The following CDH15 variants were observed in gnomAD, a reference collection of about 807,000 sequenced individuals.
CDH15 encodes the protein cadherin 15.
In CDH15, 73 loss-of-function variants were observed where a neutral mutation model predicts 69.4. That is an observed-to-expected ratio of 1.05 (90% confidence interval 0.87 to 1.28). The LOEUF (loss-of-function observed/expected upper bound fraction) is 1.28. Among genes scored for constraint, CDH15 ranks in the 50% most tolerant of loss-of-function variants. The pLI, the probability that CDH15 is intolerant of heterozygous loss-of-function variation, is 0.00. For missense variants in CDH15, 1,343 were observed against 1,133.6 expected, an observed-to-expected ratio of 1.18 and a Z score of -2.65; for synonymous variants, 624 against 507.7, an observed-to-expected ratio of 1.23 and a Z score of -3.08.
chr16:89,184,565 G>A (rs1186672418), intron 4 of CDH15, among the ~76,000 whole-genome samples: 4 of 152,178 alleles, frequency 2.6e-5, no homozygotes, highest in African/African-American at 7.2e-5. Context: ...TCCTCTGCTC[G>A]GCTGTCGTGT....
In CDH15 at chr16:89,193,522, C is replaced by A; in HGVS notation, c.1908C>A (p.Gly636=). 2.5e-6 allele frequency: 4 copies of A among 1,612,148 alleles called. No homozygotes were observed. Among genetic ancestry groups the A allele is most frequent in the Non-Finnish European group, 3.4e-6 (4 of 1,179,792 alleles). The change falls in exon 12 of 14, where the codon GGC becomes GGA. Residue 636 remains glycine, a synonymous_variant. Coordinates refer to ENST00000289746, the MANE Select transcript of CDH15 (RefSeq NM_004933.3). The part of the protein sequence containing the change: ...LRARFWKQSR[G]KGLLHGPQDD... ...CGCGGTTCTGGAAGCAGTCTCGGGG[C>A]AAGGGGCTGCTGCACGGCCCCCAGG...
chr16:89,189,932 C>T lies in CDH15; in HGVS notation c.979-311C>T, dbSNP rs1343541488. Among the ~76,000 whole-genome samples, 5 of 152,220 alleles carry T rather than the reference C, an allele frequency of 3.3e-5. No individual in the cohort carries two copies. The South Asian group carries it at 6.2e-4, about 19-fold the overall frequency. On this transcript the variant is annotated intron_variant, in intron 7 of 13. Coordinates refer to ENST00000289746, the MANE Select transcript of CDH15 (RefSeq NM_004933.3). ...TAAAGCCAACCCACATCACCCAGGA[C>T]GATCTCCTTTATTTAAAATCAAGTG...
intron 8 of CDH15, 117 bp from the exon 9 acceptor site, chr16:89,191,213 T>C: frequency 8.6e-7 from 1 of 1,158,568 alleles, no homozygotes; most frequent in Non-Finnish European, 1.3e-6. Flanking sequence ...TGTGCATGCA[T>C]GTGGTATGTA....
intron 2 of CDH15, among the ~76,000 whole-genome samples, 174 bp from the exon 3 acceptor site, chr16:89,180,026 G>A (rs1387909813): frequency 6.6e-6 from 1 of 152,228 alleles, no homozygotes; most frequent in Non-Finnish European, 1.5e-5. Context: ...GGGGCCACAG[G>A]CTGAGCTGTC....
chr16:89,195,025 G>A lies in CDH15; in HGVS notation c.2315G>A (p.Arg772His), dbSNP rs202093142. The A allele has an allele frequency of 4.4e-5, 71 of 1,612,314 alleles. No homozygotes were observed. Among genetic ancestry groups the A allele is most frequent in the Middle Eastern group, 3.3e-4 (2 of 6,048 alleles). ...GACTACCTCAGAGACTGGGGGCCCC[G>A]CTTCGCCCGGCTGGCAGACATGTAT... ...DYDYLRDWGP[R>H]FARLADMYGH... is the part of the protein sequence containing the mutation. Residue 772 changes from arginine (R) to histidine (H), a missense_variant, in exon 14 of 14, where the codon CGC becomes CAC. By Grantham distance (29) the Arg-to-His change is conservative (BLOSUM62 0). Coordinates refer to ENST00000289746, the MANE Select transcript of CDH15 (RefSeq NM_004933.3).
intron 1 of CDH15, among the ~76,000 whole-genome samples, chr16:89,179,003 C>A (rs769161618): frequency 6.6e-6 from 1 of 152,190 alleles, no homozygotes; most frequent in Non-Finnish European, 1.5e-5. Context: ...GCACCTGGGG[C>A]GAGGCTGTGT....
chr16:89,190,618 C>T lies in CDH15; in HGVS notation c.1232+122C>T, dbSNP rs140805437. The T allele has an allele frequency of 1.4e-3, 1,836 of 1,281,398 alleles. 23 individuals carry two copies. The African/African-American group carries it at 0.024, about 17-fold the overall frequency. The allele number at this position is 1,281,398 out of a possible 1,614,324, so 79.4% of individuals were successfully genotyped here. ...GTAGGGGCCATTTGCTGTGTGGGTT[C>T]CTGAAGGTCTGGAGGGTCTCGAGTC... is the stretch of plus-strand genomic sequence containing the variant. On this transcript the variant is annotated intron_variant, in intron 8 of 13. Transcript: ENST00000289746.
Position 89,180,434 on chromosome 16 carries a change from TCTC to T in CDH15, c.357+84_357+86del, listed in dbSNP as rs1301819094. The T allele has an allele frequency of 8.1e-6, 12 of 1,485,088 alleles. No individual in the cohort carries two copies. In the Admixed American group the frequency reaches 2.3e-4, roughly 28 times the overall value. 92.0% of individuals were successfully genotyped at this position (1,485,088 alleles called of 1,614,324 possible). A position where few individuals can be genotyped will look rare whatever the true frequency, so the allele number is the denominator to read the frequency against. ...CAGTGCCCCTCCTCCCCACCAGGCT[TCTC>T]CTCCCCGCTCGGTGGGCTTCAGGCC... On this transcript the variant is annotated intron_variant, in intron 3 of 13. Coordinates refer to ENST00000289746, the MANE Select transcript of CDH15 (RefSeq NM_004933.3).
chr16:89,176,650 C>T (rs1915262583), intron 1 of CDH15, among the ~76,000 whole-genome samples: 1 of 140,452 alleles, frequency 7.1e-6, no homozygotes, highest in African/African-American at 2.6e-5. Flanking sequence ...CGTGAGCCTC[C>T]CTAGACCCCA....
rs1915422040 is a variant in CDH15, at chr16:89,183,583, C to G, written c.393C>G (p.Thr131=). The G allele has an allele frequency of 6.2e-6, 10 of 1,614,018 alleles. No individual in the cohort carries two copies. The highest frequency in any genetic ancestry group is 1.1e-5 in the South Asian group (1 of 91,090). The change falls in exon 4 of 14, where the codon ACC becomes ACG. Residue 131 remains threonine (T), a synonymous_variant. Transcript: ENST00000289746. ...RAFALDLGGS[T]LEDPTDLEIV... is the part of the protein sequence containing the mutation. ...TTGCCCTGGACCTGGGAGGATCCAC[C>G]CTGGAGGACCCCACGGACCTGGAGA...
intron 12 of CDH15, 45 bp from the exon 13 acceptor site, chr16:89,193,710 G>A: frequency 6.3e-7 from 1 of 1,586,970 alleles, no homozygotes; most frequent in African/African-American, 1.3e-5. Flanking sequence ...CTCCACCAGG[G>A]CCACCCGAGG....
chr16:89,172,839 G>A (rs771872175), intron 1 of CDH15, among the ~76,000 whole-genome samples: 13 of 152,166 alleles, frequency 8.5e-5, no homozygotes, highest in Non-Finnish European at 1.5e-4. Flanking sequence ...TGGCCAATTC[G>A]AGAGAGAATG....
In CDH15 at chr16:89,173,203, C is replaced by T. The variant is rs1055452760; in HGVS notation, c.42+1330C>T. Among the ~76,000 whole-genome samples, 4 of 152,200 alleles carry T rather than the reference C, an allele frequency of 2.6e-5. No individual in the cohort carries two copies. The South Asian group carries it at 6.2e-4, about 24-fold the overall frequency. On this transcript the variant is annotated intron_variant, in intron 1 of 13. Transcript: ENST00000289746. ...CACCCCTCAGCCCTCTGCCGGGGAG[C>T]GCAGGCTGGGGGGCTCCATGCCTCC...
rs562228631 is a variant in CDH15, at chr16:89,187,265, C to G, written c.664-164C>G. On this transcript the variant is annotated intron_variant, in intron 5 of 13. Coordinates refer to ENST00000289746, the MANE Select transcript of CDH15 (RefSeq NM_004933.3). Reference sequence around the variant, plus strand: ...TAGGGCAGCATCACAGCCTCATGCACTTAGGATCAGGGCAGGATTCTCAGG... The same window carrying G: ...TAGGGCAGCATCACAGCCTCATGCAGTTAGGATCAGGGCAGGATTCTCAGG... Among the ~76,000 whole-genome samples the G allele has an allele frequency of 1.1e-4, 17 of 152,362 alleles. No homozygotes were observed. The South Asian group carries it at 3.5e-3, about 32-fold the overall frequency.
chr16:89,182,027 C>G (rs575912572), intron 3 of CDH15, among the ~76,000 whole-genome samples: 1 of 151,526 alleles, frequency 6.6e-6, no homozygotes, highest in South Asian at 2.1e-4. Flanking sequence ...GCAGTGGGAG[C>G]AAGCCCTAGA....
intron 1 of CDH15, 65 bp downstream of exon 1, chr16:89,171,938 A>G: frequency 6.8e-7 from 1 of 1,467,944 alleles, no homozygotes; most frequent in Non-Finnish European, 9.2e-7. Flanking sequence ...AGTGTCTTCA[A>G]CTGCAGCCGC....
intron 4 of CDH15, 70 bp downstream of exon 4, chr16:89,183,762 C>T (rs1915427400): frequency 2.7e-6 from 4 of 1,480,008 alleles, no homozygotes; most frequent in Non-Finnish European, 3.6e-6. Context: ...CAGGACTTCC[C>T]TTAAGCAAGA....
At position 89,195,170 on chromosome 16, in the gene CDH15, T is replaced by C; in HGVS notation, c.*15T>C. The C allele has an allele frequency of 1.3e-6, 2 of 1,555,540 alleles. No individual in the cohort carries two copies. Among genetic ancestry groups the C allele is most frequent in the Non-Finnish European group, 1.7e-6 (2 of 1,149,852 alleles). ...GGACAGCCTGACCCTGGGGCGCAACTGGACATGCCACTCCCCGGCCTCGTG... is the reference window on the plus strand; with the variant it reads ...GGACAGCCTGACCCTGGGGCGCAACCGGACATGCCACTCCCCGGCCTCGTG... On this transcript the variant is annotated 3_prime_UTR_variant, in exon 14 of 14. Coordinates refer to ENST00000289746, the MANE Select transcript of CDH15 (RefSeq NM_004933.3).
intron 7 of CDH15, among the ~76,000 whole-genome samples, chr16:89,189,984 A>G (rs998285371): frequency 6.6e-6 from 1 of 152,228 alleles, no homozygotes; most frequent in Non-Finnish European, 1.5e-5. Context: ...CCATCCCCCA[A>G]CGGCCCTCGC....
Sources: gnomAD v4.1 joint callset for allele counts (sites outside exome capture counted in the v4.1 genomes callset) on GRCh38, gnomAD v4.1.1 for gene constraint, MANE v1.5 for transcripts, NCBI Gene and HGNC (gene_info 2026-07-23, HGNC 2026-07-21) for gene names.